Variants in TBC1D31 observed in about 807,000 individuals in gnomAD.
TBC1D31 encodes the protein WD repeat domain 67.
TBC1D31 carries 99 observed loss-of-function variants against 132.9 expected under a neutral mutation model. That is an observed-to-expected ratio of 0.74 (90% CI 0.63 to 0.88). The LOEUF is 0.88. Ranked by LOEUF, TBC1D31 falls within the 40% of genes least tolerant of loss-of-function variation. The probability of loss-of-function intolerance (pLI) is 0.00; values close to 1 mark genes in which losing one functional copy is unlikely to be tolerated. For missense variants in TBC1D31, 1,134 were observed against 1,256.6 expected (o/e 0.90, Z 1.48); for synonymous variants, 385 against 419.4 (o/e 0.92, Z 1.00).
chr8:123,101,384 T>C (rs1817399909), intron 7 of TBC1D31, among the ~76,000 whole-genome samples: 1 of 152,178 alleles, frequency 6.6e-6, no homozygotes, highest in South Asian at 2.1e-4. Flanking sequence ...TACTAAGTCA[T>C]ATAACTTGTT....
chr8:123,126,975 G>A (rs778602398), intron 13 of TBC1D31, among the ~76,000 whole-genome samples: 18 of 152,104 alleles, frequency 1.2e-4, no homozygotes, highest in African/African-American at 1.7e-4. Flanking sequence ...TCCTGACCTC[G>A]TGATCCACCC....
chr8:123,102,406 C>A (rs547050690), intron 7 of TBC1D31: 2 of 353,550 alleles, frequency 5.7e-6, no homozygotes, highest in Admixed American at 4.0e-5. Flanking sequence ...TTTGTTTTAT[C>A]TTTTAAAAAA....
chr8:123,077,131 A>G lies in TBC1D31; in HGVS notation c.98A>G (p.His33Arg). ...GACAGAATTATAGTGAACATTATTCACAACACTTCCGATTACCATCCAAAA... is the reference window on the plus strand; with the variant it reads ...GACAGAATTATAGTGAACATTATTCGCAACACTTCCGATTACCATCCAAAA... The part of the protein sequence containing the change: ...TRDGIIVNII[H>R]NTSDYHPKVL... Residue 33 changes from histidine to arginine, a missense_variant, in exon 2 of 22, where the codon CAC becomes CGC. Coordinates refer to ENST00000287380, the MANE Select transcript of TBC1D31 (RefSeq NM_145647.4). The G allele has an allele frequency of 1.2e-6, 2 of 1,610,320 alleles. No individual in the cohort carries two copies. Among genetic ancestry groups the G allele is most frequent in the Non-Finnish European group, 1.7e-6 (2 of 1,178,806 alleles).
At chr8:123,158,602 T>A in the TBC1D31 span, among the ~76,000 whole-genome samples, 4 of 152,198 alleles carry the variant, frequency 2.6e-5, no homozygotes, top group Admixed American at 2.6e-4. Flanking sequence ...CTGAAGTTTT[T>A]CCTTAGAAAA....
intron 5 of TBC1D31, among the ~76,000 whole-genome samples, chr8:123,097,074 T>C (rs913178105): frequency 2.0e-5 from 3 of 152,200 alleles, no homozygotes; most frequent in African/African-American, 7.2e-5. Flanking sequence ...TGCAAGTATT[T>C]GAATTAATAC....
At chr8:123,107,623 C>T (rs923651406) in intron 8 of TBC1D31, among the ~76,000 whole-genome samples, 1 of 152,264 alleles carries the variant, frequency 6.6e-6, no homozygotes. Flanking sequence ...TTTGCAGGAC[C>T]TTTTCTGGGA....
chr8:123,106,017 A>G (rs1384385121), intron 8 of TBC1D31, among the ~76,000 whole-genome samples: 2 of 152,064 alleles, frequency 1.3e-5, no homozygotes, highest in Non-Finnish European at 2.9e-5. Context: ...TGGTTGATTG[A>G]AAAGTAGTTG....
the TBC1D31 span, among the ~76,000 whole-genome samples, chr8:123,164,721 C>CAA: frequency 7.5e-3 from 1,099 of 146,810 alleles, 11 homozygotes; most frequent in African/African-American, 0.023. Context: ...GACTCCATCT[C>CAA]AAAAAAAAAA....
At chr8:123,094,927 T>C (rs1278105506) in intron 5 of TBC1D31, among the ~76,000 whole-genome samples, 1 of 152,250 alleles carries the variant, frequency 6.6e-6, no homozygotes, top group African/African-American at 2.4e-5. Flanking sequence ...ATTGGTCTAA[T>C]AACTGGTTTT....
At chr8:123,082,035 C>A (rs556397396) in intron 2 of TBC1D31, among the ~76,000 whole-genome samples, 1 of 152,168 alleles carries the variant, frequency 6.6e-6, no homozygotes, top group African/African-American at 2.4e-5. Context: ...ATGTAGCCCA[C>A]GTTGTATTTC....
At chr8:123,074,400 G>A (rs1245455902) in intron 1 of TBC1D31, among the ~76,000 whole-genome samples, 1 of 152,108 alleles carries the variant, frequency 6.6e-6, no homozygotes, top group Non-Finnish European at 1.5e-5. Flanking sequence ...TTGGTTCCTG[G>A]TTACTGTCAG....
chr8:123,132,403 CTTTTTTTTTTTTT>C (rs34901750), intron 16 of TBC1D31, among the ~76,000 whole-genome samples: 3 of 55,442 alleles, frequency 5.4e-5, no homozygotes, highest in Non-Finnish European at 1.1e-4. Context: ...TTTTTTAAGT[CTTTTTTTTTTTTT>C]TTTTTTTTTT....
chr8:123,144,312 G>A (rs1367868257), intron 19 of TBC1D31, among the ~76,000 whole-genome samples: 1 of 152,118 alleles, frequency 6.6e-6, no homozygotes, highest in Non-Finnish European at 1.5e-5. Flanking sequence ...CCAGAGCTGG[G>A]CAAAGAGTTC....
intron 11 of TBC1D31, among the ~76,000 whole-genome samples, chr8:123,124,409 C>A (rs572557368): frequency 6.6e-6 from 1 of 152,194 alleles, no homozygotes; most frequent in Non-Finnish European, 1.5e-5. Context: ...GGTCCTCTAC[C>A]CATGCTTTTG....
At chr8:123,088,087 G>A (rs192879739) in intron 4 of TBC1D31, among the ~76,000 whole-genome samples, 2 of 152,134 alleles carry the variant, frequency 1.3e-5, no homozygotes, top group Non-Finnish European at 2.9e-5. Flanking sequence ...TACTGGGGAG[G>A]CTGAGGCAGA....
chr8:123,137,290 G>T (rs1821188117), intron 17 of TBC1D31, among the ~76,000 whole-genome samples: 1 of 152,152 alleles, frequency 6.6e-6, no homozygotes, highest in Admixed American at 6.5e-5. Flanking sequence ...TGCAAAGATT[G>T]CTATAAAGAT....
chr8:123,073,252 A>G (rs1814099163), intron 1 of TBC1D31: 1 of 467,512 alleles, frequency 2.1e-6, no homozygotes, highest in Non-Finnish European at 4.3e-6. Context: ...GAGCAGGACA[A>G]TTCTGCCTCT....
intron 10 of TBC1D31, among the ~76,000 whole-genome samples, chr8:123,113,656 A>G (rs1221855551): frequency 2.0e-5 from 3 of 152,230 alleles, no homozygotes; most frequent in Admixed American, 6.5e-5. Flanking sequence ...TATGCCTACT[A>G]GTACATTTAC....
rs759849473 is a variant in TBC1D31 at position 123,084,358 on chromosome 8, T to C, written c.519+18T>C. 1.9e-6 allele frequency: 3 copies of C among 1,612,010 alleles called. No homozygotes were observed. Among genetic ancestry groups the C allele is most frequent in the Non-Finnish European group, 2.5e-6 (3 of 1,178,622 alleles). On this transcript the variant is annotated intron_variant, in intron 4 of 21. Coordinates refer to ENST00000287380, the MANE Select transcript of TBC1D31 (RefSeq NM_145647.4). ...TACAGAAGGTCAGTGAGGGGGTACA[T>C]CTTGGTCTGTTGTGCTTCTCGGGCT...
Sources: allele counts gnomAD v4.1 joint callset (sites outside exome capture counted in the v4.1 genomes callset), GRCh38; gene constraint gnomAD v4.1.1; transcripts MANE v1.5; gene names NCBI Gene and HGNC (gene_info 2026-07-23, HGNC 2026-07-21).